Variants in IL1RL1 observed in about 807,000 individuals in gnomAD.
The protein encoded by IL1RL1 is interleukin 1 receptor like 1, also known as interleukin-1 receptor-like 1.
In IL1RL1, 32 loss-of-function variants were observed where a neutral mutation model predicts 50.9. That is an observed-to-expected ratio of 0.63 (90% CI 0.47 to 0.84). The LOEUF (loss-of-function observed/expected upper bound fraction) is 0.84, where lower values mean the gene tolerates loss of function less well. Among genes scored for constraint, IL1RL1 ranks in the 40% least tolerant of loss-of-function variants. IL1RL1 has a pLI of 0.00. For missense variants in IL1RL1, 773 were observed against 662.9 expected, an observed-to-expected ratio of 1.17 and a Z score of -1.82; for synonymous variants, 275 against 236.0, an observed-to-expected ratio of 1.17 and a Z score of -1.51.
chr2:102,329,126 T>G (rs1426960147), intron 1 of IL1RL1, among the ~76,000 whole-genome samples: 11 of 152,176 alleles, frequency 7.2e-5, no homozygotes, highest in African/African-American at 1.2e-4. Context: ...GCATGGTACT[T>G]GTACCAAAAC....
chr2:102,311,967 TA>T (rs1559592121), intron 1 of IL1RL1, among the ~76,000 whole-genome samples: 1 of 24,708 alleles, frequency 4.0e-5, no homozygotes, highest in African/African-American at 2.2e-4. Context: ...ATATTATATA[TA>T]ATATTATATA....
At chr2:102,321,256 C>A (rs75035767) in intron 1 of IL1RL1, among the ~76,000 whole-genome samples, 2,792 of 152,160 alleles carry the variant, frequency 0.018, 94 homozygotes, top group African/African-American at 0.063. Context: ...TTTTTTATTT[C>A]TTTATGTTAC....
At position 102,351,524 on chromosome 2, in the gene IL1RL1, T is replaced by C. The variant is rs775569573; in HGVS notation, c.1286-12T>C. The C allele has an allele frequency of 1.2e-5, 19 of 1,606,656 alleles. No individual in the cohort carries two copies. Among genetic ancestry groups the C allele is most frequent in the Non-Finnish European group, 1.6e-5 (19 of 1,175,150 alleles). The stretch of plus-strand genomic sequence containing the variant: ...ACTGATAAGAAATCTGATCTATTTC[T>C]TGTATGACTAGATGTAGTCACTGCA... On this transcript the variant is annotated splice_polypyrimidine_tract_variant and intron_variant, in intron 10 of 10. Transcript: ENST00000233954.
chr2:102,347,887 T>C (rs995686746), intron 8 of IL1RL1, 58 bp from the exon 9 acceptor site: 2 of 988,252 alleles, frequency 2.0e-6, no homozygotes, highest in African/African-American at 3.2e-5. Context: ...CATCCATGTA[T>C]CAGTTTATTA....
intron 1 of IL1RL1, among the ~76,000 whole-genome samples, chr2:102,330,744 G>C (rs533124953): frequency 6.6e-6 from 1 of 152,286 alleles, no homozygotes; most frequent in South Asian, 2.1e-4. Flanking sequence ...TGTCTGGACT[G>C]TGGCTTAGTC....
At chr2:102,327,532 C>T (rs1048704221) in intron 1 of IL1RL1, among the ~76,000 whole-genome samples, 2 of 151,940 alleles carry the variant, frequency 1.3e-5, no homozygotes, top group Non-Finnish European at 2.9e-5. Context: ...AATAGAGACA[C>T]AAAAAACCCT....
At chr2:102,316,072 A>G (rs1676665483) in intron 1 of IL1RL1, among the ~76,000 whole-genome samples, 1 of 152,162 alleles carries the variant, frequency 6.6e-6, no homozygotes. Flanking sequence ...ATCCAGGACT[A>G]ATTCACTCAC....
At chr2:102,339,123 G>T in intron 3 of IL1RL1, 76 bp downstream of exon 3, 1 of 991,320 alleles carries the variant, frequency 1.0e-6, no homozygotes, top group Non-Finnish European at 1.6e-6. Context: ...AGCTGCCCTT[G>T]CTTTCATTCC....
At chr2:102,312,769 T>C in intron 1 of IL1RL1, 1 of 152,312 alleles carries the variant, frequency 6.6e-6, no homozygotes, top group Non-Finnish European at 1.5e-5. Flanking sequence ...TGCGGGTGCC[T>C]GCTTTGATCC....
intron 5 of IL1RL1, 74 bp downstream of exon 5, chr2:102,340,902 T>G (rs1677534676): frequency 8.3e-7 from 1 of 1,211,344 alleles, no homozygotes; most frequent in East Asian, 2.7e-5. Flanking sequence ...GCCCTTCTGG[T>G]TGGGTTTCTT....
intron 1 of IL1RL1, among the ~76,000 whole-genome samples, chr2:102,315,564 C>A (rs1260100942): frequency 6.6e-6 from 1 of 152,066 alleles, no homozygotes. Flanking sequence ...TGAGGAATTC[C>A]CTCATCATTT....
intron 1 of IL1RL1, among the ~76,000 whole-genome samples, chr2:102,311,889 ATAATATATCATATATGTTATATATTTT>A (rs1676491269): frequency 4.6e-5 from 2 of 43,520 alleles, no homozygotes; most frequent in African/African-American, 1.2e-4. Flanking sequence ...AATATAATAT[ATAATATATCATATATGTTATATATTTT>A]ATTATATAAT....
At position 102,343,404 on chromosome 2, in the gene IL1RL1, G is replaced by C. The variant is rs555618307; in HGVS notation, c.959G>C (p.Arg320Thr). 4.3e-6 allele frequency: 7 copies of C among 1,614,186 alleles called. No individual in the cohort carries two copies. Among genetic ancestry groups the C allele is most frequent in the Admixed American group, 1.7e-5 (1 of 60,020 alleles). ...AGAAGGCACACCGTAAGACTAAGTA[G>C]GAAAAATCCAAGTAAGGAGTGTTTC... ...GLRRHTVRLS[R>T]KNPIDHHSIY... is the part of the protein sequence containing the mutation. The change falls in exon 8 of 11, where the codon AGG becomes ACG. Residue 320 changes from arginine to threonine, a missense_variant. Arg to Thr is a moderately conservative substitution (Grantham distance 71). Coordinates refer to ENST00000233954, the MANE Select transcript of IL1RL1 (RefSeq NM_016232.5).
At position 102,351,677 on chromosome 2, in the gene IL1RL1, A is replaced by C; in HGVS notation, c.1427A>C (p.Lys476Thr). Residue 476 changes from lysine (K) to threonine (T), a missense_variant, in exon 11 of 11, where the codon AAG becomes ACG. By Grantham distance (78) the Lys-to-Thr change is moderately conservative (BLOSUM62 -1). Coordinates refer to ENST00000233954, the MANE Select transcript of IL1RL1 (RefSeq NM_016232.5). ...LHCALIQNDA[K>T]VILIEMEALS... Reference sequence around the variant, plus strand: ...TGTGCCCTCATCCAGAACGACGCCAAGGTGATACTTATTGAGATGGAGGCT... The same window carrying C: ...TGTGCCCTCATCCAGAACGACGCCACGGTGATACTTATTGAGATGGAGGCT... 6.2e-7 allele frequency: 1 copy of C among 1,614,108 alleles called. No homozygotes were observed.
At chr2:102,336,382 T>TAGACTGTGTCTG (rs1677327616) in intron 1 of IL1RL1, among the ~76,000 whole-genome samples, 1 of 152,182 alleles carries the variant, frequency 6.6e-6, no homozygotes, top group South Asian at 2.1e-4. Flanking sequence ...GTAAATCACT[T>TAGACTGTGTCTG]AGACTGTGTC....
Position 102,340,201 on chromosome 2 carries a change from GAA to G in IL1RL1, c.382_383del (p.Asn128PhefsTer9), listed in dbSNP as rs772281051. On this transcript the variant is annotated frameshift_variant, in exon 4 of 11. Coordinates refer to ENST00000233954, the MANE Select transcript of IL1RL1 (RefSeq NM_016232.5). LOFTEE classifies it high-confidence loss of function. The part of the protein sequence containing the change: ...YLMYSTVSGS[E>X]KNSKIYCPTI... ...GATGTATTCAACAGTATCTGGATCA[GAA>G]AAAAATTCCAAAATTTATTGTCCTA... 36 of 1,605,730 alleles carry G rather than the reference GAA, an allele frequency of 2.2e-5. No individual in the cohort carries two copies. Among genetic ancestry groups the G allele is most frequent in the Non-Finnish European group, 3.1e-5 (36 of 1,177,548 alleles).
chr2:102,327,033 A>G (rs1245561174), intron 1 of IL1RL1, among the ~76,000 whole-genome samples: 1 of 152,138 alleles, frequency 6.6e-6, no homozygotes, highest in Non-Finnish European at 1.5e-5. Flanking sequence ...CTCTCCACCC[A>G]AAATCAACAG....
chr2:102,327,669 C>T (rs1032992216), intron 1 of IL1RL1, among the ~76,000 whole-genome samples: 6 of 151,990 alleles, frequency 3.9e-5, no homozygotes, highest in African/African-American at 1.2e-4. Context: ...ATGACAAAGG[C>T]GATATCACCA....
intron 1 of IL1RL1, among the ~76,000 whole-genome samples, chr2:102,334,603 A>G (rs1178324539): frequency 6.6e-6 from 1 of 151,630 alleles, no homozygotes; most frequent in Non-Finnish European, 1.5e-5. Flanking sequence ...GAAAAAAAAC[A>G]TCCATCCCCA....
Sources: gnomAD v4.1 joint callset for allele counts (sites outside exome capture counted in the v4.1 genomes callset) on GRCh38, gnomAD v4.1.1 for gene constraint, MANE v1.5 for transcripts, NCBI Gene and HGNC (gene_info 2026-07-23, HGNC 2026-07-21) for gene names.